STYXL1: variants seen among roughly 807,000 people sequenced by gnomAD.
The protein encoded by STYXL1 is serine/threonine/tyrosine-interacting-like protein 1.
A neutral mutation model predicts 36.4 loss-of-function variants in STYXL1; 32 were observed. The observed-to-expected ratio is 0.88, with a 90% CI of 0.66 to 1.18. STYXL1 has a LOEUF of 1.18. Among genes scored for constraint, STYXL1 ranks in the 50% most tolerant of loss-of-function variants. The pLI is 0.00. For missense variants in STYXL1, 354 were observed against 394.1 expected (o/e 0.90, Z 0.86); for synonymous variants, 133 against 144.1 (o/e 0.92, Z 0.55).
At chr7:76,032,569 G>C (rs1554579690) in intron 1 of STYXL1, among the ~76,000 whole-genome samples, 1 of 152,104 alleles carries the variant, frequency 6.6e-6, no homozygotes, top group African/African-American at 2.4e-5. Context: ...GGGTGTGGTG[G>C]TGCATGCCTG....
chr7:76,043,522 G>C (rs1447779484), intron 1 of STYXL1, among the ~76,000 whole-genome samples: 1 of 151,928 alleles, frequency 6.6e-6, no homozygotes, highest in East Asian at 1.9e-4. Context: ...GAGGATTCCA[G>C]AAGCCAGGGG....
At chr7:76,042,637 C>T (rs1224851688) in intron 1 of STYXL1, among the ~76,000 whole-genome samples, 1 of 151,682 alleles carries the variant, frequency 6.6e-6, no homozygotes, top group Non-Finnish European at 1.5e-5. Flanking sequence ...AAACTCCTGA[C>T]CTCAGGTGAT....
intron 4 of STYXL1, among the ~76,000 whole-genome samples, chr7:76,021,270 A>T (rs1030375749): frequency 6.6e-6 from 1 of 151,784 alleles, no homozygotes; most frequent in Non-Finnish European, 1.5e-5. Flanking sequence ...TTTAGTAGAG[A>T]CGGAGTTTCA....
At chr7:76,000,174 G>A (rs1407108510) in intron 8 of STYXL1, among the ~76,000 whole-genome samples, 1 of 136,586 alleles carries the variant, frequency 7.3e-6, no homozygotes, top group Non-Finnish European at 1.5e-5. Context: ...GGTGGAGATT[G>A]CACCACTGCA....
At chr7:76,000,770 G>T in intron 8 of STYXL1, 120 bp downstream of exon 8, 1 of 762,116 alleles carries the variant, frequency 1.3e-6, no homozygotes, top group Non-Finnish European at 2.3e-6. Flanking sequence ...CCCTAGACTT[G>T]GAGTTATCTG....
chr7:76,032,530 C>T (rs911068348), intron 1 of STYXL1, among the ~76,000 whole-genome samples: 5 of 151,670 alleles, frequency 3.3e-5, no homozygotes, highest in Admixed American at 6.6e-5. Context: ...GGCAAAACTC[C>T]GTCTCTACTA....
intron 1 of STYXL1, among the ~76,000 whole-genome samples, chr7:76,042,769 A>C (rs868919148): frequency 6.6e-6 from 1 of 151,948 alleles, no homozygotes; most frequent in South Asian, 2.1e-4. Context: ...AATTTCACCT[A>C]ATCTCTCTTG....
At chr7:76,013,706 C>T (rs782185106) in intron 5 of STYXL1, 36 bp downstream of exon 5, 30 of 1,613,148 alleles carry the variant, frequency 1.9e-5, no homozygotes, top group South Asian at 9.9e-5. Flanking sequence ...CCATCCTTCC[C>T]GTCTGGGCCT....
intron 6 of STYXL1, among the ~76,000 whole-genome samples, chr7:76,004,995 C>T (rs562138857): frequency 1.1e-4 from 16 of 151,836 alleles, no homozygotes; most frequent in Admixed American, 2.6e-4. Flanking sequence ...AGTGAGACTC[C>T]GTCTCAAAAA....
intron 4 of STYXL1, among the ~76,000 whole-genome samples, chr7:76,015,922 T>G (rs1171331783): frequency 6.6e-6 from 1 of 152,152 alleles, no homozygotes; most frequent in Non-Finnish European, 1.5e-5. Flanking sequence ...AGCCTACATC[T>G]TTCTCCCTTG....
rs1554563817 is a variant in STYXL1 at position 75,996,361 on chromosome 7, A to G, written c.*107T>C. 1.2e-6 allele frequency: 2 copies of G among 1,603,378 alleles called. No homozygotes were observed. Among genetic ancestry groups the G allele is most frequent in the South Asian group, 2.2e-5 (2 of 89,562 alleles). On this transcript the variant is annotated 3_prime_UTR_variant, in exon 9 of 9. Transcript: ENST00000359697. ...CTAACATGAGACTTTCAGGCAGCAA[A>G]GGCCTTCTCCTTCCAGACAAGCCTG...
At chr7:76,016,311 C>T (rs1322166994) in intron 4 of STYXL1, among the ~76,000 whole-genome samples, 1 of 150,952 alleles carries the variant, frequency 6.6e-6, no homozygotes, top group African/African-American at 2.4e-5. Context: ...TGTATATATA[C>T]ACGTATATCT....
chr7:76,019,605 ACT>A, intron 4 of STYXL1, among the ~76,000 whole-genome samples: 1 of 151,948 alleles, frequency 6.6e-6, no homozygotes, highest in Non-Finnish European at 1.5e-5. Context: ...TGCCTGGCTA[ACT>A]CTGCTTCCAT....
At chr7:76,003,133 G>C (rs1421617321) in intron 7 of STYXL1, among the ~76,000 whole-genome samples, 1 of 151,798 alleles carries the variant, frequency 6.6e-6, no homozygotes. Context: ...CTCTTGATGA[G>C]TTAAGTAACT....
intron 8 of STYXL1, among the ~76,000 whole-genome samples, chr7:75,998,203 A>G (rs1368574008): frequency 6.6e-6 from 1 of 152,224 alleles, no homozygotes; most frequent in Admixed American, 6.5e-5. Context: ...AAACTACAGT[A>G]ATCAAAACAG....
intron 8 of STYXL1, among the ~76,000 whole-genome samples, chr7:75,999,309 A>G (rs1554565508): frequency 6.6e-6 from 1 of 152,220 alleles, no homozygotes; most frequent in Non-Finnish European, 1.5e-5. Flanking sequence ...AGAGTAGTCA[A>G]ATTCACAGAG....
At chr7:76,005,988 C>A (rs1791712673) in intron 5 of STYXL1, among the ~76,000 whole-genome samples, 1 of 151,952 alleles carries the variant, frequency 6.6e-6, no homozygotes. Context: ...AACTCCTGAC[C>A]TCAAGTAATC....
At chr7:76,006,571 G>A (rs890961182) in intron 5 of STYXL1, among the ~76,000 whole-genome samples, 7 of 151,978 alleles carry the variant, frequency 4.6e-5, no homozygotes, top group Admixed American at 6.6e-5. Flanking sequence ...AGACCATCCT[G>A]GCTAACACGG....
At chr7:76,029,852 G>A (rs782711712) in intron 2 of STYXL1, among the ~76,000 whole-genome samples, 17 of 152,116 alleles carry the variant, frequency 1.1e-4, no homozygotes, top group Non-Finnish European at 1.9e-4. Context: ...GAGCTCAGGC[G>A]GTAATGCAAG....
Sources: allele counts gnomAD v4.1 joint callset (sites outside exome capture counted in the v4.1 genomes callset), GRCh38; gene constraint gnomAD v4.1.1; transcripts MANE v1.5; gene names NCBI Gene and HGNC (gene_info 2026-07-23, HGNC 2026-07-21).